C9orf72: variants seen among roughly 807,000 people sequenced by gnomAD.
C9orf72 encodes guanine nucleotide exchange factor C9orf72.
In C9orf72, 44 loss-of-function variants were observed where a neutral mutation model predicts 51.6. That is an observed-to-expected ratio of 0.85 (90% CI 0.67 to 1.10). C9orf72 has a LOEUF of 1.10. Ranked by LOEUF, C9orf72 falls within the 50% of genes least tolerant of loss-of-function variation. The probability of loss-of-function intolerance (pLI) is 0.00; values close to 1 mark genes in which losing one functional copy is unlikely to be tolerated. For synonymous variants in C9orf72, 213 were observed against 194.2 expected (o/e 1.10, Z -0.81); for missense variants, 607 against 570.6 (o/e 1.06, Z -0.65).
At chr9:27,563,254 A>C (rs970496552) in intron 3 of C9orf72, among the ~76,000 whole-genome samples, 1 of 152,178 alleles carries the variant, frequency 6.6e-6, no homozygotes, top group African/African-American at 2.4e-5. Context: ...CTATTTCAAG[A>C]TATTACTACT....
In C9orf72 at chr9:27,571,696, C is replaced by T. The variant is rs371978007; in HGVS notation, c.-45+1735G>A. On this transcript the variant is annotated intron_variant, in intron 1 of 10. Transcript: ENST00000380003. ...TGAACTCCTGGCTTCAAGTGATCCT[C>T]TTGCCTCCGCCTCCCAAAGCTCTGG... 2.0e-5 allele frequency among the ~76,000 whole-genome samples: 3 copies of T among 152,298 alleles called. No individual in the cohort carries two copies. In the East Asian group the frequency reaches 5.8e-4, roughly 29 times the overall value.
intron 8 of C9orf72, among the ~76,000 whole-genome samples, chr9:27,552,326 T>C (rs1166103891): frequency 6.8e-6 from 1 of 146,826 alleles, no homozygotes; most frequent in Non-Finnish European, 1.5e-5. Flanking sequence ...GTTCCTTCAA[T>C]GCCTAGTTTG....
At chr9:27,570,796 G>A (rs951896996) in intron 1 of C9orf72, among the ~76,000 whole-genome samples, 21 of 152,128 alleles carry the variant, frequency 1.4e-4, no homozygotes, top group African/African-American at 4.8e-4. Flanking sequence ...GAACCCGGAG[G>A]TGGCAGAGGT....
chr9:27,561,469 G>GTTA (rs72535331), intron 5 of C9orf72, 116 bp downstream of exon 5: 1 of 1,487,986 alleles, frequency 6.7e-7, no homozygotes. Flanking sequence ...AATACGTAAT[G>GTTA]TCCCTAGAAC....
At chr9:27,563,337 C>A (rs1021841295) in intron 3 of C9orf72, among the ~76,000 whole-genome samples, 2 of 152,142 alleles carry the variant, frequency 1.3e-5, no homozygotes, top group African/African-American at 4.8e-5. Context: ...TATAACACAT[C>A]ACAAATGTAA....
intron 8 of C9orf72, chr9:27,554,584 G>A (rs1452425338): frequency 1.5e-5 from 6 of 397,896 alleles, no homozygotes; most frequent in Non-Finnish European, 2.2e-5. Context: ...CTCATGACAC[G>A]CAATTTACCT....
At chr9:27,561,169 G>A in intron 5 of C9orf72, 1 of 843,782 alleles carries the variant, frequency 1.2e-6, no homozygotes, top group Non-Finnish European at 1.4e-6. Flanking sequence ...TGGTTTAAGG[G>A]CACAAACTCT....
Position 27,572,112 on chromosome 9 carries a change from T to C in C9orf72, c.-45+1319A>G, listed in dbSNP as rs572012388. On this transcript the variant is annotated intron_variant, in intron 1 of 10. Transcript: ENST00000380003. Reference sequence around the variant, plus strand: ...GTTTCTCTGAAAGCAAATTGTGGAGTGCCAACATAGCCAAACAAAATATTT... The same window carrying C: ...GTTTCTCTGAAAGCAAATTGTGGAGCGCCAACATAGCCAAACAAAATATTT... 5.3e-5 allele frequency among the ~76,000 whole-genome samples: 8 copies of C among 152,308 alleles called. No homozygotes were observed. The South Asian group carries it at 1.0e-3, about 20-fold the overall frequency.
chr9:27,567,307 T>A, intron 1 of C9orf72, 143 bp from the exon 2 acceptor site: 1 of 599,056 alleles, frequency 1.7e-6, no homozygotes, highest in Non-Finnish European at 3.0e-6. Context: ...GATAAAGACA[T>A]TCAACTAGCA....
chr9:27,553,584 G>A (rs1390974068), intron 8 of C9orf72, among the ~76,000 whole-genome samples: 10 of 152,062 alleles, frequency 6.6e-5, no homozygotes, highest in Non-Finnish European at 1.2e-4. Context: ...AGACATAAAC[G>A]TAAAATCTAA....
chr9:27,572,887 C>T (rs956994677), intron 1 of C9orf72, among the ~76,000 whole-genome samples: 1 of 152,252 alleles, frequency 6.6e-6, no homozygotes, highest in African/African-American at 2.4e-5. Flanking sequence ...ACTTGCATTG[C>T]TGCCCTCATA....
intron 8 of C9orf72, among the ~76,000 whole-genome samples, chr9:27,551,106 AG>A (rs1345058086): frequency 6.6e-6 from 1 of 152,164 alleles, no homozygotes; most frequent in African/African-American, 2.4e-5. Flanking sequence ...AAAACAAACC[AG>A]CAACAAAAAT....
At chr9:27,561,356 T>G (rs568893115) in intron 5 of C9orf72, 1 of 1,277,760 alleles carries the variant, frequency 7.8e-7, no homozygotes, top group Non-Finnish European at 9.9e-7. Flanking sequence ...TGATTTCTTG[T>G]CTGGGATGGA....
chr9:27,549,321 C>T (rs993985161), intron 9 of C9orf72, among the ~76,000 whole-genome samples: 7 of 152,056 alleles, frequency 4.6e-5, no homozygotes, highest in African/African-American at 1.7e-4. Context: ...AGAAGATGAG[C>T]CTATGGTTTT....
rs1375695528 is a variant in C9orf72 at position 27,566,792 on chromosome 9, T to C, written c.329A>G (p.Tyr110Cys). ...CTGTGGAAGTATAATTGATAGTCCA[T>C]ATGTGCTGCGATCCCCATTCCAGTT... Reference protein sequence around the residue: ...DGNWNGDRSTYGLSIILPQTE... With the variant: ...DGNWNGDRSTCGLSIILPQTE... Residue 110 changes from tyrosine to cysteine, a missense_variant, in exon 2 of 11, where the codon TAT becomes TGT. By Grantham distance (194) the Tyr-to-Cys change is radical (BLOSUM62 -2). Transcript: ENST00000380003. 6 of 1,613,878 alleles carry C rather than the reference T, an allele frequency of 3.7e-6. No homozygotes were observed. Among genetic ancestry groups the C allele is most frequent in the South Asian group, 1.1e-5 (1 of 91,078 alleles).
intron 8 of C9orf72, among the ~76,000 whole-genome samples, chr9:27,551,629 C>G (rs572413204): frequency 2.0e-5 from 3 of 152,278 alleles, no homozygotes; most frequent in African/African-American, 7.2e-5. Flanking sequence ...TACCACACTA[C>G]AGAAGAAAGA....
chr9:27,566,937 GA>G lies in C9orf72; in HGVS notation c.183del (p.Ala63ProfsTer5), dbSNP rs1347558233. The part of the protein sequence containing the change: ...QVLLSDGEIT[F>X]LANHTLNGEI... ...TCTCCATTTAGAGTGTGGTTGGCAA[GA>G]AAAGTTATTTCTCCATCACTGAGAA... On this transcript the variant is annotated frameshift_variant, in exon 2 of 11. Coordinates refer to ENST00000380003, the MANE Select transcript of C9orf72 (RefSeq NM_018325.5). LOFTEE classifies it high-confidence loss of function. 1 of 1,614,074 alleles carries G rather than the reference GA, an allele frequency of 6.2e-7. No individual in the cohort carries two copies. The highest frequency in any genetic ancestry group is 8.5e-7 in the Non-Finnish European group (1 of 1,179,954).
chr9:27,557,052 A>G (rs1009449876), intron 7 of C9orf72, among the ~76,000 whole-genome samples: 1 of 152,182 alleles, frequency 6.6e-6, no homozygotes, highest in African/African-American at 2.4e-5. Context: ...ATTATTTGGC[A>G]TCTATAGATG....
chr9:27,548,273 G>T lies in C9orf72; in HGVS notation c.1409C>A (p.Thr470Asn). The T allele has an allele frequency of 6.2e-7, 1 of 1,612,208 alleles. No individual in the cohort carries two copies. Among genetic ancestry groups the T allele is most frequent in the Non-Finnish European group, 8.5e-7 (1 of 1,179,052 alleles). Residue 470 changes from threonine to asparagine, a missense_variant, in exon 11 of 11, where the codon ACT (threonine) becomes AAT (asparagine). Thr to Asn is a moderately conservative substitution (Grantham distance 65). Transcript: ENST00000380003. Reference protein sequence around the residue: ...HSFIFGRPFYTSVQERDVLMT... With the variant: ...HSFIFGRPFYNSVQERDVLMT... ...TAGAACATCTCGTTCTTGCACACTAGTGTAGAAAGGTCTTCCAAAGATAAA... is the reference window on the plus strand; with the variant it reads ...TAGAACATCTCGTTCTTGCACACTATTGTAGAAAGGTCTTCCAAAGATAAA...
Sources: gnomAD v4.1 joint callset for allele counts (sites outside exome capture counted in the v4.1 genomes callset) on GRCh38, gnomAD v4.1.1 for gene constraint, MANE v1.5 for transcripts, NCBI Gene and HGNC (gene_info 2026-07-23, HGNC 2026-07-21) for gene names.